The following B3GALT5 variants were observed in gnomAD, a reference collection of about 807,000 sequenced individuals.
The protein encoded by B3GALT5 is UDP-Gal:betaGlcNAc beta 1,3-galactosyltransferase, polypeptide 5.
For missense variants in B3GALT5, 328 were observed against 396.6 expected, an observed-to-expected ratio of 0.83 and a Z score of 1.47; for synonymous variants, 156 against 158.6, an observed-to-expected ratio of 0.98 and a Z score of 0.12.
intron 1 of B3GALT5, among the ~76,000 whole-genome samples, chr21:39,631,854 G>T (rs2079193890): frequency 3.3e-5 from 5 of 152,186 alleles, no homozygotes; most frequent in Admixed American, 3.3e-4. Context: ...CTTTTTAGGG[G>T]AGATGTCAGG....
At chr21:39,615,255 G>C (rs563665411) in intron 1 of B3GALT5, among the ~76,000 whole-genome samples, 1 of 152,120 alleles carries the variant, frequency 6.6e-6, no homozygotes. Flanking sequence ...GACCTCTTCC[G>C]AGTTTTGACA....
At position 39,639,490 on chromosome 21, in the gene B3GALT5, C is replaced by CT. The variant is rs796919933; in HGVS notation, c.-391-6893dup. ...TCTCTCTCTCTCTCTTTCTTTCTTTCTTTTTTTTTGACAGAGACTCCCTCT... is the reference window on the plus strand; with the variant it reads ...TCTCTCTCTCTCTCTTTCTTTCTTTCTTTTTTTTTTGACAGAGACTCCCTCT... On this transcript the variant is annotated intron_variant, in intron 1 of 3. Transcript: ENST00000684187. 5.7e-3 allele frequency among the ~76,000 whole-genome samples: 728 copies of CT among 128,106 alleles called. 18 individuals are homozygous for CT. The highest frequency in any genetic ancestry group is 0.02 in the African/African-American group (684 of 33,772). The allele number at this position is 128,106 out of a possible 152,430, so 84.0% of individuals were successfully genotyped here.
chr21:39,628,453 G>A (rs1215894220), intron 1 of B3GALT5, among the ~76,000 whole-genome samples: 5 of 152,130 alleles, frequency 3.3e-5, no homozygotes, highest in African/African-American at 1.2e-4. Context: ...CTACATCCGT[G>A]TGCACACGTT....
At chr21:39,643,164 A>G (rs139468281) in intron 1 of B3GALT5, among the ~76,000 whole-genome samples, 106 of 152,312 alleles carry the variant, frequency 7.0e-4, no homozygotes, top group African/African-American at 1.3e-3. Flanking sequence ...ACTGGACTCA[A>G]TGGGGCCATT....
At chr21:39,638,830 C>T (rs1302189658) in intron 1 of B3GALT5, among the ~76,000 whole-genome samples, 2 of 152,102 alleles carry the variant, frequency 1.3e-5, no homozygotes, top group Admixed American at 6.5e-5. Flanking sequence ...ATGGAAGAAG[C>T]GAGTCACTCC....
intron 1 of B3GALT5, among the ~76,000 whole-genome samples, chr21:39,644,345 C>T (rs1024204781): frequency 6.6e-6 from 1 of 152,114 alleles, no homozygotes; most frequent in African/African-American, 2.4e-5. Context: ...GCTTGGGACT[C>T]ACAAGGAGTT....
intron 1 of B3GALT5, among the ~76,000 whole-genome samples, chr21:39,643,433 A>AAT (rs60763265): frequency 6.6e-6 from 1 of 150,438 alleles, no homozygotes; most frequent in African/African-American, 2.5e-5. Context: ...AAAAAAAAAA[A>AAT]GAAAAAGAAA....
chr21:39,614,876 TC>T (rs893784829), intron 1 of B3GALT5, among the ~76,000 whole-genome samples: 1 of 152,200 alleles, frequency 6.6e-6, no homozygotes, highest in Non-Finnish European at 1.5e-5. Flanking sequence ...TAGAGCCTGA[TC>T]CTGAATCCTG....
intron 1 of B3GALT5, among the ~76,000 whole-genome samples, chr21:39,636,610 G>A (rs558577826): frequency 1.3e-5 from 2 of 152,202 alleles, no homozygotes; most frequent in East Asian, 1.9e-4. Context: ...CTTCTTGAGG[G>A]GCTGTGCACA....
At chr21:39,657,684 T>C (rs1315956885) in intron 2 of B3GALT5, 2 of 394,414 alleles carry the variant, frequency 5.1e-6, no homozygotes, top group South Asian at 1.4e-4. Context: ...TATCTATCTG[T>C]CTACCTACCG....
At chr21:39,655,811 G>A (rs965493231) in intron 2 of B3GALT5, among the ~76,000 whole-genome samples, 1 of 152,168 alleles carries the variant, frequency 6.6e-6, no homozygotes, top group African/African-American at 2.4e-5. Context: ...TCCAGGCCAT[G>A]TGTGACACGG....
intron 1 of B3GALT5, among the ~76,000 whole-genome samples, chr21:39,627,165 T>C (rs1452211592): frequency 6.6e-6 from 1 of 152,184 alleles, no homozygotes; most frequent in Non-Finnish European, 1.5e-5. Context: ...ATTTTGGAAG[T>C]TCGAGGCTTC....
chr21:39,620,189 C>T (rs936308233), intron 1 of B3GALT5, among the ~76,000 whole-genome samples: 1 of 152,166 alleles, frequency 6.6e-6, no homozygotes, highest in African/African-American at 2.4e-5. Flanking sequence ...TTTTTCTGGT[C>T]CAGGATCCCA....
At chr21:39,644,618 C>T (rs563775146) in intron 1 of B3GALT5, among the ~76,000 whole-genome samples, 8 of 152,240 alleles carry the variant, frequency 5.3e-5, no homozygotes, top group Admixed American at 2.0e-4. Flanking sequence ...GAAACGATGG[C>T]GTGTATCCCT....
intron 2 of B3GALT5, chr21:39,657,632 ATTC>A (rs547488467): frequency 3.1e-4 from 109 of 349,296 alleles, no homozygotes; most frequent in African/African-American, 2.2e-3. Context: ...ACGCTAGCCA[ATTC>A]TTCTAAGAAA....
intron 1 of B3GALT5, among the ~76,000 whole-genome samples, chr21:39,630,106 A>C (rs1475825760): frequency 6.6e-6 from 1 of 152,204 alleles, no homozygotes; most frequent in Non-Finnish European, 1.5e-5. Context: ...AACAACCAAC[A>C]CTCAAAGCCA....
Position 39,663,078 on chromosome 21 carries a change from T to A in B3GALT5, c.*1586T>A, listed in dbSNP as rs1238018876. The stretch of plus-strand genomic sequence containing the variant: ...TGTTCAGAAAAGCCTCCTTCTCAGG[T>A]GGAAAAAATCAGGGACTGAGCTTGT... On this transcript the variant is annotated 3_prime_UTR_variant, in exon 4 of 4. Coordinates refer to ENST00000684187, the MANE Select transcript of B3GALT5 (RefSeq NM_001356336.2). 1 of 152,148 alleles carries A rather than the reference T, an allele frequency of 6.6e-6. No individual in the cohort carries two copies. Among genetic ancestry groups the A allele is most frequent in the Non-Finnish European group, 1.5e-5 (1 of 68,004 alleles). The allele number at this position is 152,148 out of a possible 1,614,324, so 9.4% of individuals were successfully genotyped here.
At chr21:39,621,761 T>C (rs540661323) in intron 1 of B3GALT5, among the ~76,000 whole-genome samples, 6 of 152,170 alleles carry the variant, frequency 3.9e-5, no homozygotes, top group Non-Finnish European at 8.8e-5. Context: ...GCAGACCTTT[T>C]TGACTTTAAA....
In B3GALT5 at chr21:39,663,777, C is replaced by T. The variant is rs958814467; in HGVS notation, c.*2285C>T. On this transcript the variant is annotated 3_prime_UTR_variant, in exon 4 of 4. Coordinates refer to ENST00000684187, the MANE Select transcript of B3GALT5 (RefSeq NM_001356336.2). ...GAGAGACGTAACAACTTGCCCAGGA[C>T]CTTCCCAGCTTGTTTGTTGCAGAAG... 2 of 152,256 alleles carry T rather than the reference C, an allele frequency of 1.3e-5. No homozygotes were observed. Among genetic ancestry groups the T allele is most frequent in the Non-Finnish European group, 2.9e-5 (2 of 68,058 alleles). 9.4% of individuals were successfully genotyped at this position (152,256 alleles called of 1,614,324 possible). A position where few individuals can be genotyped will look rare whatever the true frequency, so the allele number is the denominator to read the frequency against.
Sources: allele counts gnomAD v4.1 joint callset (sites outside exome capture counted in the v4.1 genomes callset), GRCh38; gene constraint gnomAD v4.1.1; transcripts MANE v1.5; gene names NCBI Gene and HGNC (gene_info 2026-07-23, HGNC 2026-07-21).